SENP8: variants seen among roughly 807,000 people sequenced by gnomAD.
The protein encoded by SENP8 is sentrin-specific protease 8.
Under a neutral mutation model 14.4 loss-of-function variants are expected in SENP8, and 10 were observed. The ratio of observed to expected loss-of-function variants is 0.69; its 90% confidence interval spans 0.43 to 1.18. SENP8 has a LOEUF of 1.18. SENP8 is among the 50% of genes most tolerant of loss of function. The probability of loss-of-function intolerance (pLI) is 0.00; values close to 1 mark genes in which losing one functional copy is unlikely to be tolerated. For synonymous variants in SENP8, 94 were observed against 95.5 expected, an observed-to-expected ratio of 0.98 and a Z score of 0.09; for missense variants, 202 against 249.4, an observed-to-expected ratio of 0.81 and a Z score of 1.28.
chr15:72,142,107 A>C lies in SENP8; in HGVS notation c.*1845A>C, dbSNP rs2081384662. 1 of 152,168 alleles carries C rather than the reference A, an allele frequency of 6.6e-6. No homozygotes were observed. Among genetic ancestry groups the C allele is most frequent in the Non-Finnish European group, 1.5e-5 (1 of 68,022 alleles). 9.4% of individuals were successfully genotyped at this position (152,168 alleles called of 1,614,324 possible). ...CATCTTATAAGTAAATTTATAAGTA[A>C]ATTTTTAAACTACACTAGTCTTTTA... On this transcript the variant is annotated 3_prime_UTR_variant, in exon 2 of 2. Transcript: ENST00000340912.
chr15:72,119,956 T>C (rs576095941), intron 1 of SENP8, among the ~76,000 whole-genome samples: 2 of 152,280 alleles, frequency 1.3e-5, no homozygotes, highest in African/African-American at 4.8e-5. Context: ...TTCCCTTCCG[T>C]CCAGGATTGG....
intron 1 of SENP8, among the ~76,000 whole-genome samples, chr15:72,136,312 A>T (rs2081326978): frequency 6.6e-6 from 1 of 152,146 alleles, no homozygotes; most frequent in Non-Finnish European, 1.5e-5. Flanking sequence ...GACATTGTGA[A>T]TGTTTACCTT....
Position 72,139,711 on chromosome 15 carries a change from C to G in SENP8, c.88C>G (p.His30Asp), listed in dbSNP as rs1352208573. 2 of 1,614,146 alleles carry G rather than the reference C, an allele frequency of 1.2e-6. No individual in the cohort carries two copies. The highest frequency in any genetic ancestry group is 1.1e-5 in the South Asian group (1 of 91,072). The change falls in exon 2 of 2, where the codon CAT becomes GAT. Residue 30 changes from histidine (H) to aspartate (D), a missense_variant. By Grantham distance (81) the His-to-Asp change is moderately conservative. Coordinates refer to ENST00000340912, the MANE Select transcript of SENP8 (RefSeq NM_145204.4). Reference protein sequence around the residue: ...LLDPPSWLNDHIIGFAFEYFA... With the variant: ...LLDPPSWLNDDIIGFAFEYFA... ...GGATCCGCCAAGCTGGCTCAATGAC[C>G]ATATTATTGGGTTTGCGTTTGAGTA...
At chr15:72,127,027 C>A (rs1282082761) in intron 1 of SENP8, among the ~76,000 whole-genome samples, 1 of 152,178 alleles carries the variant, frequency 6.6e-6, no homozygotes, top group Non-Finnish European at 1.5e-5. Flanking sequence ...GTAAACATTT[C>A]TCTGCCGAAC....
chr15:72,116,660 A>T (rs969865454), upstream of SENP8, among the ~76,000 whole-genome samples: 1 of 152,266 alleles, frequency 6.6e-6, no homozygotes, highest in East Asian at 1.9e-4. Flanking sequence ...TCCTTTAAAA[A>T]TAAAAATAAG....
intron 1 of SENP8, among the ~76,000 whole-genome samples, chr15:72,137,175 A>G (rs1017772089): frequency 1.3e-5 from 2 of 152,050 alleles, no homozygotes; most frequent in African/African-American, 2.4e-5. Context: ...AGTACTTCCA[A>G]GTAAAATTAT....
At chr15:72,114,689 G>A (rs2151203564), upstream of SENP8, 1 of 152,324 alleles carries the variant, frequency 6.6e-6, no homozygotes, top group Admixed American at 6.5e-5. Context: ...GAATCAAAGT[G>A]GTGATATCCA....
At chr15:72,126,830 T>C (rs1051818233) in intron 1 of SENP8, among the ~76,000 whole-genome samples, 11 of 152,198 alleles carry the variant, frequency 7.2e-5, no homozygotes, top group Middle Eastern at 3.2e-3. Context: ...ATATTTAAAA[T>C]TTCTAATCTA....
chr15:72,139,525 T>G lies in SENP8; in HGVS notation c.-47-52T>G, dbSNP rs1417086693. 2.0e-6 allele frequency: 3 copies of G among 1,485,094 alleles called. No individual in the cohort carries two copies. In the African/African-American group the frequency reaches 4.2e-5, roughly 21 times the overall value. The allele number at this position is 1,485,094 out of a possible 1,614,324, so 92.0% of individuals were successfully genotyped here. On this transcript the variant is annotated intron_variant, in intron 1 of 1. Transcript: ENST00000340912. ...AACCCTATAAAAGTAACTACTATTT[T>G]CCAGCCGCATTTTACAGTCAGGTAT...
At chr15:72,119,462 C>T (rs1052058977) in intron 1 of SENP8, among the ~76,000 whole-genome samples, 2 of 152,082 alleles carry the variant, frequency 1.3e-5, no homozygotes, top group East Asian at 3.9e-4. Context: ...AGATGGAGGT[C>T]ATTTAGCCGG....
At chr15:72,139,049 G>GTAT (rs2081355033) in intron 1 of SENP8, among the ~76,000 whole-genome samples, 2 of 148,782 alleles carry the variant, frequency 1.3e-5, no homozygotes, top group Non-Finnish European at 3.0e-5. Context: ...TTTTGTAAAT[G>GTAT]TATTATATAC....
chr15:72,116,739 C>A (rs913009948), upstream of SENP8: 2 of 152,180 alleles, frequency 1.3e-5, no homozygotes, highest in African/African-American at 4.8e-5. Flanking sequence ...ATAGTTATAT[C>A]CACTAGTGCA....
In SENP8 at chr15:72,140,319, T is replaced by C; in HGVS notation, c.*57T>C. The C allele has an allele frequency of 7.8e-7, 1 of 1,278,702 alleles. No individual in the cohort carries two copies. Among genetic ancestry groups the C allele is most frequent in the South Asian group, 1.3e-5 (1 of 77,152 alleles). The allele number at this position is 1,278,702 out of a possible 1,614,324, so 79.2% of individuals were successfully genotyped here. A position where few individuals can be genotyped will look rare whatever the true frequency, so the allele number is the denominator to read the frequency against. On this transcript the variant is annotated 3_prime_UTR_variant, in exon 2 of 2. Transcript: ENST00000340912. ...TCCTCTTTCTGCCCTTCCCCATTTG[T>C]TGGATGGCTGCAATCTCAGTGCCTG...
intron 1 of SENP8, among the ~76,000 whole-genome samples, chr15:72,131,605 G>C (rs948324348): frequency 6.6e-6 from 1 of 152,124 alleles, no homozygotes; most frequent in Non-Finnish European, 1.5e-5. Flanking sequence ...TTAATCCTTT[G>C]TTAAGGAAGT....
intron 1 of SENP8, among the ~76,000 whole-genome samples, chr15:72,126,540 G>A (rs924210246): frequency 7.9e-5 from 12 of 152,230 alleles, no homozygotes; most frequent in African/African-American, 2.9e-4. Context: ...CAGGAGAATC[G>A]CTTGAACCCA....
At chr15:72,135,654 A>G (rs1176341025) in intron 1 of SENP8, among the ~76,000 whole-genome samples, 2 of 152,226 alleles carry the variant, frequency 1.3e-5, no homozygotes, top group Non-Finnish European at 2.9e-5. Flanking sequence ...GAATTTTTGG[A>G]GTTAAACTTG....
At chr15:72,116,934 G>C (rs183628371), upstream of SENP8, 7 of 152,298 alleles carry the variant, frequency 4.6e-5, no homozygotes, top group Admixed American at 4.6e-4. Context: ...CTCCAAACAT[G>C]GGTCTCGGTC....
intron 1 of SENP8, among the ~76,000 whole-genome samples, chr15:72,127,130 G>A (rs1247921170): frequency 6.6e-6 from 1 of 152,078 alleles, no homozygotes; most frequent in Non-Finnish European, 1.5e-5. Context: ...CACTGTTTTA[G>A]GTCCTGGGGT....
intron 1 of SENP8, among the ~76,000 whole-genome samples, chr15:72,129,436 C>A (rs534897828): frequency 6.6e-6 from 1 of 151,668 alleles, no homozygotes; most frequent in Admixed American, 6.6e-5. Context: ...CATTTCGGCT[C>A]ACTGCAGCCT....
Sources: allele counts gnomAD v4.1 joint callset (sites outside exome capture counted in the v4.1 genomes callset), GRCh38; gene constraint gnomAD v4.1.1; transcripts MANE v1.5; gene names NCBI Gene and HGNC (gene_info 2026-07-23, HGNC 2026-07-21).